The following ARFGEF3 variants were observed in gnomAD, a reference collection of about 807,000 sequenced individuals.
ARFGEF3 encodes the protein brefeldin A-inhibited guanine nucleotide-exchange protein 3.
In ARFGEF3, 96 loss-of-function variants were observed where a neutral mutation model predicts 221.7. The ratio of observed to expected loss-of-function variants is 0.43; its 90% confidence interval spans 0.37 to 0.51. ARFGEF3 has a LOEUF of 0.51. ARFGEF3 is among the 20% of genes least tolerant of loss of function. ARFGEF3 has a pLI of 0.00. For missense variants in ARFGEF3, 2,410 were observed against 2,789.9 expected (o/e 0.86, Z 3.07); for synonymous variants, 1,145 against 1,126.8 (o/e 1.02, Z -0.32).
chr6:138,320,945 CG>C (rs11331667), intron 28 of ARFGEF3, among the ~76,000 whole-genome samples, 165 bp from the exon 29 acceptor site: 137,387 of 151,468 alleles, frequency 0.91, 62,578 homozygotes, highest in African/African-American at 0.97. Context: ...TGGGTTTTGG[CG>C]GGGGGGGGCA....
intron 22 of ARFGEF3, among the ~76,000 whole-genome samples, chr6:138,300,458 AAAAATTTT>A (rs1475702732): frequency 6.6e-6 from 1 of 152,214 alleles, no homozygotes; most frequent in Non-Finnish European, 1.5e-5. Context: ...GTTGGATAAA[AAAAATTTT>A]AATCACTCGA....
chr6:138,265,113 C>T (rs954076546), intron 12 of ARFGEF3, among the ~76,000 whole-genome samples: 1 of 152,068 alleles, frequency 6.6e-6, no homozygotes, highest in Admixed American at 6.5e-5. Flanking sequence ...CTGTGTTAGC[C>T]AGGATGGTCT....
chr6:138,279,295 G>A (rs945722018), intron 13 of ARFGEF3, among the ~76,000 whole-genome samples: 12 of 152,208 alleles, frequency 7.9e-5, no homozygotes, highest in Admixed American at 5.9e-4. Context: ...TGGGATTACA[G>A]GCATGAGCCA....
chr6:138,265,381 A>G (rs781038472), intron 12 of ARFGEF3, among the ~76,000 whole-genome samples: 1 of 152,140 alleles, frequency 6.6e-6, no homozygotes, highest in Non-Finnish European at 1.5e-5. Flanking sequence ...TTTCACATCA[A>G]TTTTTAAGGC....
intron 27 of ARFGEF3, among the ~76,000 whole-genome samples, chr6:138,318,330 CT>C (rs1397884995): frequency 1.3e-5 from 2 of 152,122 alleles, no homozygotes; most frequent in African/African-American, 4.8e-5. Context: ...ATTTAATCCA[CT>C]TTTGTTCCTA....
At position 138,241,724 on chromosome 6, in the gene ARFGEF3, A is replaced by G. The variant is rs147812283; in HGVS notation, c.544-1228A>G. Among the ~76,000 whole-genome samples the G allele has an allele frequency of 2.5e-4, 38 of 152,358 alleles. No homozygotes were observed. The East Asian group carries it at 6.0e-3, about 24-fold the overall frequency. ...GTTAAATGCAGTGGAAAGAAAATAA[A>G]TAATGTAGAATGCCAAAATCACTAG... On this transcript the variant is annotated intron_variant, in intron 6 of 33. Coordinates refer to ENST00000251691, the MANE Select transcript of ARFGEF3 (RefSeq NM_020340.5).
intron 12 of ARFGEF3, among the ~76,000 whole-genome samples, chr6:138,271,396 T>C (rs1779000293): frequency 6.6e-6 from 1 of 152,216 alleles, no homozygotes; most frequent in African/African-American, 2.4e-5. Context: ...TTTCATCATA[T>C]GAATGTACTT....
chr6:138,254,441 A>G (rs1488525089), intron 9 of ARFGEF3, among the ~76,000 whole-genome samples: 1 of 146,288 alleles, frequency 6.8e-6, no homozygotes, highest in African/African-American at 2.4e-5. Context: ...AAATTAAATA[A>G]TAATAATAAT....
intron 28 of ARFGEF3, 79 bp from the exon 29 acceptor site, chr6:138,321,032 C>CT: frequency 1.3e-6 from 1 of 770,556 alleles, no homozygotes; most frequent in Non-Finnish European, 2.1e-6. Flanking sequence ...AGACTTTCCT[C>CT]TGTTGCTATA....
intron 2 of ARFGEF3, among the ~76,000 whole-genome samples, chr6:138,177,444 A>C (rs1776977042): frequency 6.6e-6 from 1 of 152,064 alleles, no homozygotes; most frequent in Non-Finnish European, 1.5e-5. Flanking sequence ...CAGTCTAATT[A>C]TAATATGCTG....
At chr6:138,324,833 C>G (rs547226627) in intron 31 of ARFGEF3, among the ~76,000 whole-genome samples, 9 of 152,334 alleles carry the variant, frequency 5.9e-5, no homozygotes, top group Non-Finnish European at 1.2e-4. Flanking sequence ...AGTAGTATCA[C>G]GAGCTACAGA....
At chr6:138,174,620 C>T (rs1776902655) in intron 2 of ARFGEF3, among the ~76,000 whole-genome samples, 1 of 150,734 alleles carries the variant, frequency 6.6e-6, no homozygotes, top group African/African-American at 2.4e-5. Context: ...TATAAACTAT[C>T]TCTTGCATTC....
chr6:138,307,306 G>T lies in ARFGEF3; in HGVS notation c.3882G>T (p.Ser1294=), dbSNP rs756502471. The part of the protein sequence containing the change: ...LVEVCSTQIQ[S]GWRPLFSALE... Reference sequence around the variant, plus strand: ...AAGTGTGTTCCACGCAGATCCAGTCGGGATGGAGACCCTTGTTCAGTGCCC... The same window carrying T: ...AAGTGTGTTCCACGCAGATCCAGTCTGGATGGAGACCCTTGTTCAGTGCCC... Residue 1294 remains serine (S), a synonymous_variant, in exon 23 of 34, where the codon TCG becomes TCT. Coordinates refer to ENST00000251691, the MANE Select transcript of ARFGEF3 (RefSeq NM_020340.5). 2 of 1,613,892 alleles carry T rather than the reference G, an allele frequency of 1.2e-6. No individual in the cohort carries two copies. Among genetic ancestry groups the T allele is most frequent in the African/African-American group, 2.7e-5 (2 of 74,940 alleles).
At chr6:138,236,653 G>C (rs1778293751) in intron 5 of ARFGEF3, among the ~76,000 whole-genome samples, 1 of 152,144 alleles carries the variant, frequency 6.6e-6, no homozygotes. Context: ...TTTTTGTAGA[G>C]ATGGGGTTTT....
At chr6:138,243,891 G>C (rs1033069411) in intron 7 of ARFGEF3, among the ~76,000 whole-genome samples, 5 of 152,122 alleles carry the variant, frequency 3.3e-5, no homozygotes, top group Non-Finnish European at 7.3e-5. Flanking sequence ...ACATTCTTGG[G>C]CCGCGGACTG....
At position 138,261,512 on chromosome 6, in the gene ARFGEF3, AC is replaced by A; in HGVS notation, c.1105-13del. 3.3e-6 allele frequency: 5 copies of A among 1,492,728 alleles called. No individual in the cohort carries two copies. The highest frequency in any genetic ancestry group is 4.5e-6 in the Non-Finnish European group (5 of 1,106,292). 92.5% of individuals were successfully genotyped at this position (1,492,728 alleles called of 1,614,324 possible). A position where few individuals can be genotyped will look rare whatever the true frequency, so the allele number is the denominator to read the frequency against. ...ATATTCACTTTTCTGTTACTCTTTT[AC>A]CTTTTTCTTTAAGATACTTGGGAGC... On this transcript the variant is annotated splice_polypyrimidine_tract_variant and intron_variant, in intron 10 of 33. Coordinates refer to ENST00000251691, the MANE Select transcript of ARFGEF3 (RefSeq NM_020340.5).
chr6:138,328,282 A>T (rs571505233), intron 32 of ARFGEF3, 140 bp downstream of exon 32: 1 of 1,100,696 alleles, frequency 9.1e-7, no homozygotes, highest in African/African-American at 1.6e-5. Flanking sequence ...GTTTTCATAA[A>T]AACTGTTAGC....
rs762078646 is a variant in ARFGEF3, at chr6:138,286,685, C to T, written c.2570-16C>T. On this transcript the variant is annotated splice_polypyrimidine_tract_variant and intron_variant, in intron 15 of 33. Coordinates refer to ENST00000251691, the MANE Select transcript of ARFGEF3 (RefSeq NM_020340.5). Reference sequence around the variant, plus strand: ...TTTTGTCTCTAGAAAATGACACACACCCCTCCATGTTCCAGGCGTGGCATT... The same window carrying T: ...TTTTGTCTCTAGAAAATGACACACATCCCTCCATGTTCCAGGCGTGGCATT... The T allele has an allele frequency of 5.0e-6, 8 of 1,611,358 alleles. No individual in the cohort carries two copies. Among genetic ancestry groups the T allele is most frequent in the East Asian group, 2.2e-5 (1 of 44,862 alleles).
At chr6:138,230,632 G>A (rs1165611019) in intron 5 of ARFGEF3, among the ~76,000 whole-genome samples, 1 of 152,128 alleles carries the variant, frequency 6.6e-6, no homozygotes, top group East Asian at 1.9e-4. Flanking sequence ...AGATACATGT[G>A]CTTTTTATGG....
Sources: allele counts gnomAD v4.1 joint callset (sites outside exome capture counted in the v4.1 genomes callset), GRCh38; gene constraint gnomAD v4.1.1; transcripts MANE v1.5; gene names NCBI Gene and HGNC (gene_info 2026-07-23, HGNC 2026-07-21).